Variants in DNAH11 observed in about 807,000 individuals in gnomAD.
DNAH11 encodes the protein dynein axonemal heavy chain 11, also known as axonemal beta dynein heavy chain 11.
A neutral mutation model predicts 526.0 loss-of-function variants in DNAH11; 442 were observed. The observed-to-expected ratio is 0.84, with a 90% CI of 0.78 to 0.91. The LOEUF is 0.91. Among genes scored for constraint, DNAH11 ranks in the 40% least tolerant of loss-of-function variants. The pLI is 0.00. For missense variants in DNAH11, 6,989 were observed against 5,448.7 expected (o/e 1.28, Z -8.90); for synonymous variants, 2,461 against 1,935.9 (o/e 1.27, Z -7.12).
At chr7:21,624,844 C>G (rs1325398019) in intron 25 of DNAH11, among the ~76,000 whole-genome samples, 1 of 152,046 alleles carries the variant, frequency 6.6e-6, no homozygotes, top group Non-Finnish European at 1.5e-5. Context: ...TGGTATATCA[C>G]ATTTATTGAT....
intron 75 of DNAH11, among the ~76,000 whole-genome samples, chr7:21,882,531 C>A (rs146768880): frequency 1.3e-5 from 2 of 152,304 alleles, no homozygotes; most frequent in African/African-American, 4.8e-5. Flanking sequence ...CGTGATGGCT[C>A]ATGCCTATAA....
In DNAH11 at chr7:21,786,655, A is replaced by C. The variant is rs747449460; in HGVS notation, c.9629A>C (p.Asn3210Thr). ...VNLSELKAFPNPPIAVTNVTA... is the reference protein window; with the variant it reads ...VNLSELKAFPTPPIAVTNVTA... ...CTCAGTGAGCTGAAAGCCTTTCCCA[A>C]CCCTCCCATCGCAGTTACCAATGTT... The change falls in exon 59 of 82, where the codon AAC (asparagine) becomes ACC (threonine). Residue 3210 changes from asparagine to threonine, a missense_variant. Asn to Thr is a moderately conservative substitution (Grantham distance 65). Coordinates refer to ENST00000409508, the MANE Select transcript of DNAH11 (RefSeq NM_001277115.2). The C allele has an allele frequency of 1.9e-6, 3 of 1,612,768 alleles. No individual in the cohort carries two copies. Among genetic ancestry groups the C allele is most frequent in the Admixed American group, 3.3e-5 (2 of 59,950 alleles).
rs891422319 is a variant in DNAH11 at position 21,802,556 on chromosome 7, G to GA, written c.10165+1284dup. Among the ~76,000 whole-genome samples the GA allele has an allele frequency of 7.8e-4, 118 of 152,156 alleles. 1 individual carries two copies. The highest frequency in any genetic ancestry group is 2.8e-3 in the African/African-American group (115 of 41,512). On this transcript the variant is annotated intron_variant, in intron 62 of 81. Transcript: ENST00000409508. ...GCATTATTCATAATAGCTAAGAATA[G>GA]AAACAACCCACATGTCCCTTAATTG...
At chr7:21,649,437 T>C (rs1261658633) in intron 28 of DNAH11, among the ~76,000 whole-genome samples, 4 of 152,168 alleles carry the variant, frequency 2.6e-5, no homozygotes, top group Non-Finnish European at 4.4e-5. Flanking sequence ...TTGTATTGTC[T>C]TTATACAATG....
At position 21,901,672 on chromosome 7, in the gene DNAH11, A is replaced by G. The variant is rs1784870138; in HGVS notation, c.*418A>G. The G allele has an allele frequency of 6.4e-6, 1 of 156,986 alleles. No individual in the cohort carries two copies. Among genetic ancestry groups the G allele is most frequent in the Non-Finnish European group, 1.4e-5 (1 of 71,134 alleles). The allele number at this position is 156,986 out of a possible 1,614,324, so 9.7% of individuals were successfully genotyped here. A position where few individuals can be genotyped will look rare whatever the true frequency, so the allele number is the denominator to read the frequency against. On this transcript the variant is annotated 3_prime_UTR_variant, in exon 82 of 82. Coordinates refer to ENST00000409508, the MANE Select transcript of DNAH11 (RefSeq NM_001277115.2). ...TAATTTTTAACAAACAACAAATTAAATTATTAGCCCTTAAACTCTTTCAAA... is the reference window on the plus strand; with the variant it reads ...TAATTTTTAACAAACAACAAATTAAGTTATTAGCCCTTAAACTCTTTCAAA...
At chr7:21,559,860 T>G (rs1783386265) in intron 4 of DNAH11, 68 bp downstream of exon 4, 3 of 1,303,694 alleles carry the variant, frequency 2.3e-6, no homozygotes, top group Admixed American at 4.6e-5. Context: ...TGACCAATAG[T>G]TTTAAAGATT....
intron 44 of DNAH11, among the ~76,000 whole-genome samples, chr7:21,723,380 C>G (rs955287512): frequency 6.6e-6 from 1 of 152,234 alleles, no homozygotes; most frequent in Non-Finnish European, 1.5e-5. Flanking sequence ...CAGCAGCGGA[C>G]TGACTCAGGA....
intron 45 of DNAH11, among the ~76,000 whole-genome samples, chr7:21,731,378 A>G (rs993174822): frequency 1.3e-5 from 2 of 152,170 alleles, no homozygotes; most frequent in African/African-American, 4.8e-5. Flanking sequence ...GATCATGGCC[A>G]TGTTGTTCCT....
Position 21,866,659 on chromosome 7 carries a change from C to T in DNAH11, c.11686C>T (p.Leu3896Phe). Residue 3896 changes from leucine (L) to phenylalanine (F), a missense_variant, in exon 71 of 82, where the codon CTC (leucine) becomes TTC (phenylalanine). Coordinates refer to ENST00000409508, the MANE Select transcript of DNAH11 (RefSeq NM_001277115.2). ...AMRPDRMTYA[L>F]RNFVEEKLGA... ...GCGCCCTGACAGAATGACGTATGCT[C>T]TCAGGTGGGGTGGTCAGCATTTTTG... 1 of 1,609,818 alleles carries T rather than the reference C, an allele frequency of 6.2e-7. No individual in the cohort carries two copies. The highest frequency in any genetic ancestry group is 8.5e-7 in the Non-Finnish European group (1 of 1,177,986).
At chr7:21,567,348 A>G (rs1783711542) in intron 6 of DNAH11, among the ~76,000 whole-genome samples, 1 of 152,174 alleles carries the variant, frequency 6.6e-6, no homozygotes, top group Non-Finnish European at 1.5e-5. Context: ...TTATTGATAA[A>G]GTTTTTGTGA....
At chr7:21,550,470 A>G (rs1583473352) in intron 2 of DNAH11, among the ~76,000 whole-genome samples, 2 of 152,312 alleles carry the variant, frequency 1.3e-5, no homozygotes, top group South Asian at 2.1e-4. Flanking sequence ...ATAGGATCTC[A>G]TATAATAACT....
Position 21,561,091 on chromosome 7 carries a change from C to T in DNAH11, c.903C>T (p.Leu301=). The change falls in exon 5 of 82, where the codon CTC becomes CTT. Residue 301 remains leucine, a synonymous_variant. Coordinates refer to ENST00000409508, the MANE Select transcript of DNAH11 (RefSeq NM_001277115.2). ...CTTAGCTTCAGGCACCTGTTGTCCT[C>T]AAAATGGTTAAGATCCTGACAACTA... is the stretch of plus-strand genomic sequence containing the variant. The part of the protein sequence containing the change: ...IYDQLQAPVV[L]KMVKILTTKQ... The T allele has an allele frequency of 6.2e-7, 1 of 1,601,082 alleles. No homozygotes were observed. Among genetic ancestry groups the T allele is most frequent in the Non-Finnish European group, 8.5e-7 (1 of 1,173,416 alleles).
chr7:21,589,511 G>A (rs780369304), intron 12 of DNAH11, 108 bp downstream of exon 12: 163 of 922,188 alleles, frequency 1.8e-4, no homozygotes, highest in Non-Finnish European at 2.3e-4. Flanking sequence ...TGTCAGAGTT[G>A]TGAGGACTGT....
intron 73 of DNAH11, among the ~76,000 whole-genome samples, chr7:21,870,670 T>G (rs1383481087): frequency 2.6e-5 from 4 of 152,224 alleles, no homozygotes. Flanking sequence ...CCATTACTTT[T>G]GTATCTGTGC....
In DNAH11 at chr7:21,748,211, C is replaced by T. The variant is rs554481828; in HGVS notation, c.8511-369C>T. 2.5e-3 allele frequency among the ~76,000 whole-genome samples: 377 copies of T among 152,288 alleles called. 2 individuals are homozygous for T. Among genetic ancestry groups the T allele is most frequent in the African/African-American group, 8.9e-3 (368 of 41,552 alleles). On this transcript the variant is annotated intron_variant, in intron 51 of 81. Coordinates refer to ENST00000409508, the MANE Select transcript of DNAH11 (RefSeq NM_001277115.2). ...AAACAAAACAGACCCAGGCCAGGCG[C>T]AGTTGCTCATGCCTGTAATCCCAGC...
intron 27 of DNAH11, among the ~76,000 whole-genome samples, chr7:21,638,700 GT>G (rs1786981033): frequency 1.4e-5 from 2 of 139,498 alleles, no homozygotes; most frequent in African/African-American, 6.4e-5. Context: ...GGGTGTGTGT[GT>G]GTGTGTGTGT....
chr7:21,841,565 G>C (rs963270151), intron 65 of DNAH11, among the ~76,000 whole-genome samples: 11 of 151,818 alleles, frequency 7.2e-5, no homozygotes, highest in Non-Finnish European at 1.3e-4. Context: ...CATGTTAGGT[G>C]AGCTGGAATG....
Position 21,786,843 on chromosome 7 carries a change from GC to G in DNAH11, c.9741+77del. The G allele has an allele frequency of 4.5e-6, 7 of 1,551,780 alleles. No individual in the cohort carries two copies. In the South Asian group the frequency reaches 8.2e-5, roughly 18 times the overall value. Reference sequence around the variant, plus strand: ...TTCAGTACTGTGGTTATGCTTAATAGCAAAAGATGTTTAAGTCAGAAGAAAT... The same window carrying G: ...TTCAGTACTGTGGTTATGCTTAATAGAAAAGATGTTTAAGTCAGAAGAAAT... On this transcript the variant is annotated intron_variant, in intron 59 of 81. Coordinates refer to ENST00000409508, the MANE Select transcript of DNAH11 (RefSeq NM_001277115.2).
intron 30 of DNAH11, among the ~76,000 whole-genome samples, chr7:21,661,325 A>G (rs1324958635): frequency 1.3e-5 from 2 of 151,950 alleles, no homozygotes; most frequent in African/African-American, 2.4e-5. Flanking sequence ...CCTTCTTTCT[A>G]TAGAATATAT....
Sources: gnomAD v4.1 joint callset for allele counts (sites outside exome capture counted in the v4.1 genomes callset) on GRCh38, gnomAD v4.1.1 for gene constraint, MANE v1.5 for transcripts, NCBI Gene and HGNC (gene_info 2026-07-23, HGNC 2026-07-21) for gene names.